The following SEMA3C variants were observed in gnomAD, a reference collection of about 807,000 sequenced individuals.
SEMA3C encodes the protein semaphorin-3C.
SEMA3C carries 47 observed loss-of-function variants against 89.4 expected under a neutral mutation model. That is an observed-to-expected ratio of 0.53 (90% CI 0.42 to 0.67). SEMA3C has a LOEUF of 0.67. SEMA3C is among the 30% of genes least tolerant of loss of function. SEMA3C has a pLI of 0.00. For synonymous variants in SEMA3C, 310 were observed against 320.2 expected, an observed-to-expected ratio of 0.97 and a Z score of 0.34; for missense variants, 839 against 929.1, an observed-to-expected ratio of 0.90 and a Z score of 1.26.
At chr7:80,865,734 C>T (rs1007166868) in intron 2 of SEMA3C, among the ~76,000 whole-genome samples, 3 of 152,044 alleles carry the variant, frequency 2.0e-5, no homozygotes, top group African/African-American at 7.2e-5. Context: ...GGGGGGGTTA[C>T]AGTGAGCAGA....
Position 80,910,939 on chromosome 7 carries a change from G to C in SEMA3C, c.103+5740C>G, listed in dbSNP as rs548307802. ...ATAAATTTGCATAATGAAATGAGGA[G>C]AGTGTATAATAATTTTTTTCTACTG... On this transcript the variant is annotated intron_variant, in intron 2 of 17. Coordinates refer to ENST00000265361, the MANE Select transcript of SEMA3C (RefSeq NM_006379.5). 5.9e-5 allele frequency among the ~76,000 whole-genome samples: 9 copies of C among 152,064 alleles called. No individual in the cohort carries two copies. The South Asian group carries it at 1.9e-3, about 32-fold the overall frequency.
intron 2 of SEMA3C, among the ~76,000 whole-genome samples, chr7:80,850,552 A>T (rs1248098540): frequency 6.6e-6 from 1 of 152,218 alleles, no homozygotes; most frequent in African/African-American, 2.4e-5. Context: ...GTTCAAAAAA[A>T]GGCAAAAGTA....
chr7:80,767,845 C>T lies in SEMA3C; in HGVS notation c.1355-2602G>A, dbSNP rs867497948. 4.3e-4 allele frequency among the ~76,000 whole-genome samples: 65 copies of T among 152,258 alleles called. No individual in the cohort carries two copies. The Middle Eastern group carries it at 0.017, about 40-fold the overall frequency. On this transcript the variant is annotated intron_variant, in intron 12 of 17. Coordinates refer to ENST00000265361, the MANE Select transcript of SEMA3C (RefSeq NM_006379.5). ...GCTTCTATTCCACAGGCACGAGTTACTCTGACATAAAAGATTTTATCTCAT... is the reference window on the plus strand; with the variant it reads ...GCTTCTATTCCACAGGCACGAGTTATTCTGACATAAAAGATTTTATCTCAT...
chr7:80,919,506 AGGC>A (rs1461996675), upstream of SEMA3C, among the ~76,000 whole-genome samples: 1 of 150,952 alleles, frequency 6.6e-6, no homozygotes, highest in African/African-American at 2.4e-5. Flanking sequence ...CAGCCTTTTA[AGGC>A]AAAGAGATGC....
chr7:80,859,224 G>A (rs974014729), intron 2 of SEMA3C, among the ~76,000 whole-genome samples: 3 of 152,052 alleles, frequency 2.0e-5, no homozygotes, highest in African/African-American at 7.2e-5. Context: ...ATGAGCCACT[G>A]TAATGGTTTA....
intron 10 of SEMA3C, among the ~76,000 whole-genome samples, chr7:80,799,116 T>C (rs553189611): frequency 6.6e-6 from 1 of 152,316 alleles, no homozygotes; most frequent in East Asian, 1.9e-4. Context: ...TTTGTTCAAT[T>C]CTTTGTGAGT....
intron 2 of SEMA3C, among the ~76,000 whole-genome samples, chr7:80,833,198 G>A (rs1790048398): frequency 6.6e-6 from 1 of 152,092 alleles, no homozygotes; most frequent in Non-Finnish European, 1.5e-5. Flanking sequence ...ACTTTGGGAG[G>A]CAGAGGCAGG....
At chr7:80,887,123 G>A (rs931544779) in intron 2 of SEMA3C, among the ~76,000 whole-genome samples, 1 of 152,074 alleles carries the variant, frequency 6.6e-6, no homozygotes, top group African/African-American at 2.4e-5. Context: ...TAATGTATCA[G>A]TGCCATTTTA....
intron 12 of SEMA3C, among the ~76,000 whole-genome samples, chr7:80,772,602 C>G (rs1313531675): frequency 6.6e-6 from 1 of 151,920 alleles, no homozygotes; most frequent in Non-Finnish European, 1.5e-5. Context: ...GCTGTCTCAA[C>G]AAAAGCCATC....
At chr7:80,803,296 G>A (rs950793870) in intron 8 of SEMA3C, among the ~76,000 whole-genome samples, 1 of 151,978 alleles carries the variant, frequency 6.6e-6, no homozygotes, top group Non-Finnish European at 1.5e-5. Flanking sequence ...ACATTATAAG[G>A]AGAAATGGCA....
chr7:80,913,283 C>A (rs1335995560), intron 2 of SEMA3C, among the ~76,000 whole-genome samples: 1 of 152,068 alleles, frequency 6.6e-6, no homozygotes, highest in Non-Finnish European at 1.5e-5. Flanking sequence ...CACCTGTAAT[C>A]CCAGCTACTC....
chr7:80,866,970 T>C (rs1335597475), intron 2 of SEMA3C, among the ~76,000 whole-genome samples: 1 of 152,040 alleles, frequency 6.6e-6, no homozygotes, highest in Non-Finnish European at 1.5e-5. Flanking sequence ...AGCCTGTGAG[T>C]CAAGAAAGTT....
At chr7:80,891,298 T>C (rs1227248471) in intron 2 of SEMA3C, among the ~76,000 whole-genome samples, 3 of 152,120 alleles carry the variant, frequency 2.0e-5, no homozygotes, top group Non-Finnish European at 4.4e-5. Flanking sequence ...ACTCCTGACA[T>C]AGGTCCATCC....
intron 2 of SEMA3C, among the ~76,000 whole-genome samples, chr7:80,854,995 T>C (rs888524349): frequency 6.6e-6 from 1 of 152,180 alleles, no homozygotes; most frequent in Non-Finnish European, 1.5e-5. Flanking sequence ...GCATGCATGC[T>C]CTTTGGATTT....
chr7:80,850,378 C>T (rs948405947), intron 2 of SEMA3C, among the ~76,000 whole-genome samples: 4 of 152,046 alleles, frequency 2.6e-5, no homozygotes, highest in Non-Finnish European at 5.9e-5. Flanking sequence ...TATGAATGTC[C>T]ATCAACAGGG....
chr7:80,914,441 G>A (rs1792223694), intron 2 of SEMA3C, among the ~76,000 whole-genome samples: 1 of 144,184 alleles, frequency 6.9e-6, no homozygotes, highest in South Asian at 2.3e-4. Flanking sequence ...TTGAACCAAG[G>A]TTTAAAATTT....
chr7:80,862,597 A>G (rs1408944358), intron 2 of SEMA3C, among the ~76,000 whole-genome samples: 1 of 152,188 alleles, frequency 6.6e-6, no homozygotes, highest in African/African-American at 2.4e-5. Context: ...ACACAATTCT[A>G]AAATTCACAT....
At chr7:80,745,877 A>C (rs1417644130) in intron 17 of SEMA3C, among the ~76,000 whole-genome samples, 1 of 152,140 alleles carries the variant, frequency 6.6e-6, no homozygotes, top group Non-Finnish European at 1.5e-5. Flanking sequence ...CCCAAAATAA[A>C]CAATGTCTAA....
At chr7:80,780,636 C>T (rs1313711803) in intron 12 of SEMA3C, among the ~76,000 whole-genome samples, 1 of 152,156 alleles carries the variant, frequency 6.6e-6, no homozygotes, top group Non-Finnish European at 1.5e-5. Context: ...GTAATCCCAG[C>T]ACTTTGGGAG....
Sources: allele counts gnomAD v4.1 joint callset (sites outside exome capture counted in the v4.1 genomes callset), GRCh38; gene constraint gnomAD v4.1.1; transcripts MANE v1.5; gene names NCBI Gene and HGNC (gene_info 2026-07-23, HGNC 2026-07-21).